Variants in WSCD2 observed in about 807,000 individuals in gnomAD.
WSCD2 encodes the protein sialate:O-sulfotransferase 2.
A neutral mutation model predicts 55.7 loss-of-function variants in WSCD2; 28 were observed. That is an observed-to-expected ratio of 0.50 (90% CI 0.37 to 0.69). The LOEUF is 0.69. Ranked by LOEUF, WSCD2 falls within the 30% of genes least tolerant of loss-of-function variation. The probability of loss-of-function intolerance (pLI) is 0.00; values close to 1 mark genes in which losing one functional copy is unlikely to be tolerated. For missense variants in WSCD2, 616 were observed against 762.1 expected, an observed-to-expected ratio of 0.81 and a Z score of 2.26; for synonymous variants, 301 against 301.9, an observed-to-expected ratio of 1.00 and a Z score of 0.03.
At chr12:108,134,362 G>C (rs890977755) in intron 1 of WSCD2, among the ~76,000 whole-genome samples, 17 of 152,208 alleles carry the variant, frequency 1.1e-4, no homozygotes, top group African/African-American at 3.6e-4. Flanking sequence ...TTGGCCATTA[G>C]AGTGAAGTGG....
At chr12:108,215,877 C>T (rs1565974672) in intron 4 of WSCD2, among the ~76,000 whole-genome samples, 1 of 152,156 alleles carries the variant, frequency 6.6e-6, no homozygotes, top group Non-Finnish European at 1.5e-5. Context: ...TCATCTGCCC[C>T]CAGCAAAGGG....
chr12:108,133,121 G>A (rs1175899529), intron 1 of WSCD2, among the ~76,000 whole-genome samples: 1 of 152,088 alleles, frequency 6.6e-6, no homozygotes, highest in Non-Finnish European at 1.5e-5. Context: ...TGGATCTCTC[G>A]ACATATACAC....
At chr12:108,130,019 G>A (rs1875321207) in intron 1 of WSCD2, 93 bp downstream of exon 1, 1 of 152,322 alleles carries the variant, frequency 6.6e-6, no homozygotes, top group African/African-American at 2.4e-5. Context: ...CTAGATCTGG[G>A]CTTCGCTTTC....
At chr12:108,244,623 G>A in intron 8 of WSCD2, 1 of 701,772 alleles carries the variant, frequency 1.4e-6, no homozygotes, top group Non-Finnish European at 2.6e-6. Context: ...TGGGTGCACT[G>A]AGGCTGAAGA....
rs776264228 is a variant in WSCD2 at position 108,206,336 on chromosome 12, C to G, written c.430C>G (p.Arg144Gly). Reference protein sequence around the residue: ...YLDDTQSRALRGVSFFDYKKM... With the variant: ...YLDDTQSRALGGVSFFDYKKM... Reference sequence around the variant, plus strand: ...GGATGACACCCAGAGTCGGGCCCTTCGAGGAGTGTCCTTTTTTGACTACAA... The same window carrying G: ...GGATGACACCCAGAGTCGGGCCCTTGGAGGAGTGTCCTTTTTTGACTACAA... Residue 144 changes from arginine (R) to glycine (G), a missense_variant, in exon 3 of 9, where the codon CGA becomes GGA. Transcript: ENST00000547525. 4.0e-5 allele frequency: 64 copies of G among 1,614,192 alleles called. No individual in the cohort carries two copies. Among genetic ancestry groups the G allele is most frequent in the South Asian group, 3.2e-4 (29 of 91,078 alleles).
chr12:108,236,630 C>T (rs147155832), intron 7 of WSCD2, among the ~76,000 whole-genome samples: 3 of 152,072 alleles, frequency 2.0e-5, no homozygotes, highest in African/African-American at 7.2e-5. Context: ...GCATGTCTAC[C>T]TCTGCCCAGT....
intron 1 of WSCD2, among the ~76,000 whole-genome samples, chr12:108,153,273 A>T (rs1327846891): frequency 6.6e-6 from 1 of 152,240 alleles, no homozygotes; most frequent in Non-Finnish European, 1.5e-5. Flanking sequence ...CACTGGCTCA[A>T]TGTTAGTGAT....
chr12:108,163,503 T>C (rs1714472492), intron 1 of WSCD2, among the ~76,000 whole-genome samples: 1 of 152,234 alleles, frequency 6.6e-6, no homozygotes, highest in Non-Finnish European at 1.5e-5. Flanking sequence ...CCTGCAAATA[T>C]GGTACCTTAA....
At chr12:108,149,007 C>T (rs1214868505) in intron 1 of WSCD2, among the ~76,000 whole-genome samples, 1 of 152,158 alleles carries the variant, frequency 6.6e-6, no homozygotes, top group Non-Finnish European at 1.5e-5. Context: ...AGGCATCACC[C>T]CAATGTCCCT....
chr12:108,192,715 T>C (rs1393589138), intron 1 of WSCD2, among the ~76,000 whole-genome samples: 1 of 152,166 alleles, frequency 6.6e-6, no homozygotes, highest in Non-Finnish European at 1.5e-5. Context: ...TCCTCTTCCC[T>C]GGGCTAACCT....
At chr12:108,169,728 G>A (rs886818390) in intron 1 of WSCD2, among the ~76,000 whole-genome samples, 1 of 152,290 alleles carries the variant, frequency 6.6e-6, no homozygotes, top group East Asian at 1.9e-4. Context: ...ACAGGGCACA[G>A]GACAGTTTCC....
intron 4 of WSCD2, among the ~76,000 whole-genome samples, chr12:108,218,398 A>G (rs1887094178): frequency 6.6e-6 from 1 of 152,180 alleles, no homozygotes; most frequent in East Asian, 1.9e-4. Flanking sequence ...GTCCAGGGAA[A>G]TGCCATGGCT....
At chr12:108,222,739 C>T (rs942180922) in intron 4 of WSCD2, among the ~76,000 whole-genome samples, 3 of 152,180 alleles carry the variant, frequency 2.0e-5, no homozygotes, top group Admixed American at 6.5e-5. Flanking sequence ...AGCAATCCTC[C>T]TGCCTTGGCT....
chr12:108,180,672 G>T (rs115528178), intron 1 of WSCD2, among the ~76,000 whole-genome samples: 356 of 152,370 alleles, frequency 2.3e-3, no homozygotes, highest in African/African-American at 8.0e-3. Flanking sequence ...TTAGAATGAG[G>T]TTAAAAGATG....
chr12:108,149,070 G>A (rs1456706592), intron 1 of WSCD2, among the ~76,000 whole-genome samples: 3 of 152,144 alleles, frequency 2.0e-5, no homozygotes, highest in South Asian at 2.1e-4. Flanking sequence ...TCTCACTGGC[G>A]TGCTAATTAT....
At chr12:108,204,971 C>G (rs1365710737) in intron 2 of WSCD2, among the ~76,000 whole-genome samples, 1 of 152,312 alleles carries the variant, frequency 6.6e-6, no homozygotes, top group East Asian at 1.9e-4. Flanking sequence ...ACATTTAATT[C>G]CAAGTGCTGG....
At chr12:108,161,718 T>C (rs1879085036) in intron 1 of WSCD2, among the ~76,000 whole-genome samples, 1 of 152,220 alleles carries the variant, frequency 6.6e-6, no homozygotes, top group Non-Finnish European at 1.5e-5. Flanking sequence ...AAGCGAGTGC[T>C]CACTGCATAG....
At position 108,129,799 on chromosome 12, in the gene WSCD2, C is replaced by G. The variant is rs553089689; in HGVS notation, c.-679C>G. The G allele has an allele frequency of 6.6e-6, 1 of 152,274 alleles. No homozygotes were observed. The highest frequency in any genetic ancestry group is 1.5e-5 in the Non-Finnish European group (1 of 68,080). The allele number at this position is 152,274 out of a possible 1,614,324, so 9.4% of individuals were successfully genotyped here. A position where few individuals can be genotyped will look rare whatever the true frequency, so the allele number is the denominator to read the frequency against. The stretch of plus-strand genomic sequence containing the variant: ...AATCCAGGCTCCCCTTTCCTTAAAG[C>G]CACTGCAGCAGCTGGGAAGGCGCCC... On this transcript the variant is annotated 5_prime_UTR_variant, in exon 1 of 9. Transcript: ENST00000547525.
chr12:108,208,402 T>C (rs1226333233), intron 3 of WSCD2, among the ~76,000 whole-genome samples: 2 of 152,078 alleles, frequency 1.3e-5, no homozygotes, highest in African/African-American at 2.4e-5. Context: ...TCAAGTATAA[T>C]GGGTGCTGGG....
Sources: gnomAD v4.1 joint callset for allele counts (sites outside exome capture counted in the v4.1 genomes callset) on GRCh38, gnomAD v4.1.1 for gene constraint, MANE v1.5 for transcripts, NCBI Gene and HGNC (gene_info 2026-07-23, HGNC 2026-07-21) for gene names.